Variants in ROBO2 observed in about 807,000 individuals in gnomAD.
The protein encoded by ROBO2 is roundabout homolog 2.
In ROBO2, 53 loss-of-function variants were observed where a neutral mutation model predicts 160.8. That is an observed-to-expected ratio of 0.33 (90% CI 0.26 to 0.41). ROBO2 has a LOEUF of 0.41. ROBO2 is among the 10% of genes least tolerant of loss of function. ROBO2 has a pLI of 1.00. For synonymous variants in ROBO2, 664 were observed against 611.7 expected (o/e 1.09, Z -1.26); for missense variants, 1,577 against 1,722.4 (o/e 0.92, Z 1.49).
At chr3:77,069,525 T>C (rs2149824170) in intron 1 of ROBO2, among the ~76,000 whole-genome samples, 1 of 152,358 alleles carries the variant, frequency 6.6e-6, no homozygotes, top group Non-Finnish European at 1.5e-5. Flanking sequence ...TATACTTTGA[T>C]GGAATATCTT....
chr3:76,121,381 G>A (rs931174713), intron 2 of ROBO2, among the ~76,000 whole-genome samples: 1 of 152,118 alleles, frequency 6.6e-6, no homozygotes, highest in Non-Finnish European at 1.5e-5. Flanking sequence ...CAAAGCATCT[G>A]TGTGATTCAT....
rs144964608 is a variant in ROBO2 at position 76,804,877 on chromosome 3, G to A, written c.110-293137G>A. 4.2e-4 allele frequency among the ~76,000 whole-genome samples: 64 copies of A among 152,190 alleles called. No individual in the cohort carries two copies. In the East Asian group the frequency reaches 7.5e-3, roughly 18 times the overall value. The stretch of plus-strand genomic sequence containing the variant: ...CTCTTCGTAATAAACGCACTATAAA[G>A]CATTACCTGAATTCTTTCTATGTGT... On this transcript the variant is annotated intron_variant, in intron 2 of 26. Coordinates refer to the ROBO2 transcript ENST00000487694.
chr3:77,205,079 G>C (rs534529044), intron 2 of ROBO2, among the ~76,000 whole-genome samples: 1 of 152,238 alleles, frequency 6.6e-6, no homozygotes, highest in South Asian at 2.1e-4. Flanking sequence ...CTCCAGTGTT[G>C]CAATGCTCTT....
chr3:76,205,749 GT>G (rs1702770966), intron 2 of ROBO2, among the ~76,000 whole-genome samples: 1 of 152,080 alleles, frequency 6.6e-6, no homozygotes, highest in Non-Finnish European at 1.5e-5. Flanking sequence ...TCCCTTTTGG[GT>G]TCCTGTTCAC....
At chr3:76,533,522 C>G (rs1460965779) in intron 2 of ROBO2, among the ~76,000 whole-genome samples, 1 of 152,110 alleles carries the variant, frequency 6.6e-6, no homozygotes, top group Admixed American at 6.5e-5. Flanking sequence ...AGAACTATAT[C>G]ATCCGGGCAT....
chr3:76,518,314 T>TAA (rs1296236633), intron 2 of ROBO2, among the ~76,000 whole-genome samples: 1 of 152,150 alleles, frequency 6.6e-6, no homozygotes, highest in African/African-American at 2.4e-5. Context: ...TCTTAATTTT[T>TAA]AATTATTGTG....
At chr3:77,473,763 G>A (rs923592882) in intron 2 of ROBO2, among the ~76,000 whole-genome samples, 1 of 152,076 alleles carries the variant, frequency 6.6e-6, no homozygotes, top group African/African-American at 2.4e-5. Context: ...GCTGCAGGCT[G>A]CTCTTTGTTA....
intron 2 of ROBO2, among the ~76,000 whole-genome samples, chr3:77,143,371 T>A (rs2076874176): frequency 6.6e-6 from 1 of 151,736 alleles, no homozygotes. Flanking sequence ...ATTTTTTCTA[T>A]TTTTAGTAGA....
intron 2 of ROBO2, among the ~76,000 whole-genome samples, chr3:77,267,395 A>C (rs2153348255): frequency 6.6e-6 from 1 of 152,296 alleles, no homozygotes; most frequent in African/African-American, 2.4e-5. Context: ...AGAAATGATA[A>C]GTTAATTGTT....
At chr3:77,570,098 C>T (rs1463306922) in intron 13 of ROBO2, among the ~76,000 whole-genome samples, 4 of 151,940 alleles carry the variant, frequency 2.6e-5, no homozygotes, top group Non-Finnish European at 5.9e-5. Flanking sequence ...AGCCAAAATA[C>T]TACGCTGTAT....
At chr3:76,588,458 T>C (rs1208122087) in intron 2 of ROBO2, among the ~76,000 whole-genome samples, 1 of 152,208 alleles carries the variant, frequency 6.6e-6, no homozygotes, top group East Asian at 1.9e-4. Context: ...ATAATTTTCA[T>C]AGCTGATTAT....
intron 2 of ROBO2, among the ~76,000 whole-genome samples, chr3:76,595,603 T>C (rs2086686485): frequency 6.6e-6 from 1 of 152,024 alleles, no homozygotes; most frequent in African/African-American, 2.4e-5. Flanking sequence ...CTTTAAAAAA[T>C]TACAGATTAT....
At chr3:77,041,873 G>A (rs1028299923) in intron 1 of ROBO2, among the ~76,000 whole-genome samples, 1 of 152,134 alleles carries the variant, frequency 6.6e-6, no homozygotes, top group African/African-American at 2.4e-5. Context: ...AGAACCTAAA[G>A]GGTATTAGTC....
In ROBO2 at chr3:77,178,172, G is replaced by A. The variant is rs143721828; in HGVS notation, c.388+79832G>A. Among the ~76,000 whole-genome samples the A allele has an allele frequency of 3.9e-4, 59 of 152,068 alleles. No homozygotes were observed. The East Asian group carries it at 9.3e-3, about 24-fold the overall frequency. ...GAACATGCTGTTGAGGTATGGGCGC[G>A]CTACAAGGTAGGATAGATGAAGACA... On this transcript the variant is annotated intron_variant, in intron 2 of 25. Transcript: ENST00000461745.
At chr3:77,480,185 A>G (rs2084513567) in intron 3 of ROBO2, among the ~76,000 whole-genome samples, 1 of 152,168 alleles carries the variant, frequency 6.6e-6, no homozygotes. Flanking sequence ...GCCAACGTAC[A>G]TGAGTTGTGT....
At chr3:77,631,557 T>C (rs1287402487) in intron 23 of ROBO2, 3 of 152,300 alleles carry the variant, frequency 2.0e-5, no homozygotes, top group Admixed American at 6.5e-5. Flanking sequence ...ACATAAATCT[T>C]GTAATATTAA....
At chr3:76,267,792 A>C (rs555803126) in intron 2 of ROBO2, among the ~76,000 whole-genome samples, 6 of 152,228 alleles carry the variant, frequency 3.9e-5, no homozygotes, top group African/African-American at 1.4e-4. Context: ...TAATAATCAA[A>C]ATTAAAGCTA....
chr3:76,579,190 T>TTTGC (rs1468096574), intron 2 of ROBO2, among the ~76,000 whole-genome samples: 1 of 152,152 alleles, frequency 6.6e-6, no homozygotes, highest in Non-Finnish European at 1.5e-5. Flanking sequence ...TGGATCATAT[T>TTTGC]ACCTTCCTGT....
intron 2 of ROBO2, among the ~76,000 whole-genome samples, chr3:76,608,299 A>G (rs1386309896): frequency 2.0e-5 from 3 of 152,172 alleles, no homozygotes; most frequent in Admixed American, 1.3e-4. Flanking sequence ...CAGCCTTACT[A>G]TACCTTCAGT....
Sources: gnomAD v4.1 joint callset for allele counts (sites outside exome capture counted in the v4.1 genomes callset) on GRCh38, gnomAD v4.1.1 for gene constraint, MANE v1.5 for transcripts, NCBI Gene and HGNC (gene_info 2026-07-23, HGNC 2026-07-21) for gene names.